The following ABLIM3 variants were observed in gnomAD, a reference collection of about 807,000 sequenced individuals.
The protein encoded by ABLIM3 is actin-binding LIM protein 3.
ABLIM3 carries 61 observed loss-of-function variants against 109.5 expected under a neutral mutation model. The ratio of observed to expected loss-of-function variants is 0.56; its 90% confidence interval spans 0.45 to 0.69. The LOEUF (loss-of-function observed/expected upper bound fraction) is 0.69, where lower values mean the gene tolerates loss of function less well. Among genes scored for constraint, ABLIM3 ranks in the 30% least tolerant of loss-of-function variants. ABLIM3 has a pLI of 0.00. For missense variants in ABLIM3, 796 were observed against 889.5 expected (o/e 0.89, Z 1.34); for synonymous variants, 300 against 324.8 (o/e 0.92, Z 0.82).
chr5:149,216,859 C>A, intron 7 of ABLIM3, 100 bp from the exon 8 acceptor site: 2 of 1,070,744 alleles, frequency 1.9e-6, no homozygotes, highest in Non-Finnish European at 2.8e-6. Flanking sequence ...CATGAAGATG[C>A]AAACAACACT....
chr5:149,210,917 T>A, intron 7 of ABLIM3, 98 bp downstream of exon 7: 1 of 1,134,784 alleles, frequency 8.8e-7, no homozygotes, highest in Non-Finnish European at 1.3e-6. Flanking sequence ...TACCTTTTTT[T>A]CCATAGCCTT....
intron 3 of ABLIM3, among the ~76,000 whole-genome samples, chr5:149,184,906 A>T (rs1756808291): frequency 6.6e-6 from 1 of 152,216 alleles, no homozygotes; most frequent in South Asian, 2.1e-4. Context: ...ATAGATGCAT[A>T]TACGGGATAC....
rs115469767 is a variant in ABLIM3 at position 149,183,773 on chromosome 5, G to A, written c.151+184G>A. ...TAGAATGAGGGCAGTGTATTGGTAC[G>A]TGAGGGAGACAAGGATCCTGGTAAC... is the stretch of plus-strand genomic sequence containing the variant. On this transcript the variant is annotated intron_variant, in intron 3 of 23. Transcript: ENST00000309868. 6.9e-3 allele frequency among the ~76,000 whole-genome samples: 1,053 copies of A among 152,278 alleles called. 12 individuals carry two copies. Among genetic ancestry groups the A allele is most frequent in the African/African-American group, 0.024 (990 of 41,554 alleles).
At chr5:149,197,448 C>A (rs1758081981) in intron 3 of ABLIM3, among the ~76,000 whole-genome samples, 1 of 152,092 alleles carries the variant, frequency 6.6e-6, no homozygotes, top group South Asian at 2.1e-4. Flanking sequence ...TTCCGTGGAC[C>A]ATCACCGATG....
Position 149,239,897 on chromosome 5 carries a change from G to A in ABLIM3, c.1204+9G>A, listed in dbSNP as rs754847916. 120 of 1,598,560 alleles carry A rather than the reference G, an allele frequency of 7.5e-5. No individual in the cohort carries two copies. Among genetic ancestry groups the A allele is most frequent in the Non-Finnish European group, 8.6e-5 (101 of 1,172,474 alleles). The stretch of plus-strand genomic sequence containing the variant: ...CCACTACTACCGCTCTGGTAAGGAA[G>A]GGGGAGGACCTGAAGGGAGAGGAAG... On this transcript the variant is annotated intron_variant, in intron 13 of 23. Coordinates refer to ENST00000309868, the MANE Select transcript of ABLIM3 (RefSeq NM_014945.5).
At position 149,240,270 on chromosome 5, in the gene ABLIM3, C is replaced by A. The variant is rs73795954; in HGVS notation, c.1204+382C>A. Among the ~76,000 whole-genome samples, 217 of 152,318 alleles carry A rather than the reference C, an allele frequency of 1.4e-3. 1 individual carries two copies. Among genetic ancestry groups the A allele is most frequent in the African/African-American group, 4.8e-3 (198 of 41,576 alleles). ...TCACCCAAGGGCCACCCCAGCCAATCCAGTCAGACCATCCACAGTCACCCT... is the reference window on the plus strand; with the variant it reads ...TCACCCAAGGGCCACCCCAGCCAATACAGTCAGACCATCCACAGTCACCCT... On this transcript the variant is annotated intron_variant, in intron 13 of 23. Coordinates refer to ENST00000309868, the MANE Select transcript of ABLIM3 (RefSeq NM_014945.5).
chr5:149,151,675 C>A (rs1255994215), intron 2 of ABLIM3, among the ~76,000 whole-genome samples: 1 of 152,232 alleles, frequency 6.6e-6, no homozygotes, highest in East Asian at 1.9e-4. Context: ...CATGGGAAGA[C>A]CCCAGTAATT....
Position 149,207,078 on chromosome 5 carries a change from C to T in ABLIM3, c.519C>T (p.Val173=), listed in dbSNP as rs142995323. 14 of 1,613,972 alleles carry T rather than the reference C, an allele frequency of 8.7e-6. No individual in the cohort carries two copies. The African/African-American group carries it at 1.7e-4, about 20-fold the overall frequency. Residue 173 remains valine, a synonymous_variant, in exon 6 of 24, where the codon GTC becomes GTT. Transcript: ENST00000309868. ...TGGCTCTGGACAAGCAGTGGCACGT[C>T]AGCTGCTTCAAGTGCCAGACCTGCA... ...SLLALDKQWH[V]SCFKCQTCSV...
At chr5:149,181,263 A>G (rs1581063909) in intron 2 of ABLIM3, among the ~76,000 whole-genome samples, 1 of 151,712 alleles carries the variant, frequency 6.6e-6, no homozygotes, top group East Asian at 1.9e-4. Flanking sequence ...AGAAAAGAGA[A>G]TAAGATTAAA....
chr5:149,159,766 G>A (rs930774294), intron 2 of ABLIM3, among the ~76,000 whole-genome samples: 2 of 152,090 alleles, frequency 1.3e-5, no homozygotes, highest in African/African-American at 2.4e-5. Flanking sequence ...TTTAAGCGTC[G>A]TACAGCTCAA....
At chr5:149,161,271 A>C (rs1032958413) in intron 2 of ABLIM3, among the ~76,000 whole-genome samples, 9 of 152,224 alleles carry the variant, frequency 5.9e-5, no homozygotes, top group Non-Finnish European at 1.0e-4. Flanking sequence ...CTCCTTAGCC[A>C]GTAGCAAAGT....
At chr5:149,160,173 G>A (rs908140764) in intron 2 of ABLIM3, among the ~76,000 whole-genome samples, 2 of 152,164 alleles carry the variant, frequency 1.3e-5, no homozygotes, top group Non-Finnish European at 2.9e-5. Context: ...TACCCAGTAA[G>A]GCTAGGAACA....
intron 5 of ABLIM3, among the ~76,000 whole-genome samples, chr5:149,201,895 C>A (rs10463421): frequency 0.33 from 49,648 of 152,032 alleles, 8,327 homozygotes; most frequent in East Asian, 0.52. Context: ...AGTCATGAAG[C>A]CTCCCTGAGA....
intron 2 of ABLIM3, among the ~76,000 whole-genome samples, chr5:149,153,105 G>A (rs1411842801): frequency 6.6e-6 from 1 of 152,068 alleles, no homozygotes; most frequent in African/African-American, 2.4e-5. Flanking sequence ...TCTTTCCTAA[G>A]CTCTAGGGTC....
intron 2 of ABLIM3, among the ~76,000 whole-genome samples, chr5:149,156,256 G>A (rs1753859645): frequency 1.3e-5 from 2 of 152,224 alleles, no homozygotes; most frequent in Admixed American, 1.3e-4. Context: ...CAGACTGCCT[G>A]GGTCCAAATT....
In ABLIM3 at chr5:149,260,238, T is replaced by C. The variant is rs1402064796; in HGVS notation, c.*1834T>C. 1 of 152,684 alleles carries C rather than the reference T, an allele frequency of 6.5e-6. No homozygotes were observed. Among genetic ancestry groups the C allele is most frequent in the Non-Finnish European group, 1.5e-5 (1 of 68,114 alleles). The allele number at this position is 152,684 out of a possible 1,614,324, so 9.5% of individuals were successfully genotyped here. ...GAGGGAAGTCTGCTGTGTTCTCATG[T>C]AGGATGTCAGCCCTCCCTGCAACTT... On this transcript the variant is annotated 3_prime_UTR_variant, in exon 24 of 24. Transcript: ENST00000309868.
intron 23 of ABLIM3, among the ~76,000 whole-genome samples, chr5:149,257,042 C>T (rs758248401): frequency 2.0e-5 from 3 of 152,216 alleles, no homozygotes; most frequent in Non-Finnish European, 2.9e-5. Flanking sequence ...CCGTGGCTTA[C>T]GCCTGTAATC....
intron 2 of ABLIM3, among the ~76,000 whole-genome samples, chr5:149,163,755 T>C (rs557412605): frequency 3.5e-4 from 53 of 152,242 alleles, no homozygotes; most frequent in Non-Finnish European, 6.9e-4. Flanking sequence ...CATGTGAATT[T>C]GGGGGGTGAG....
chr5:149,231,105 C>T (rs1581191577), intron 9 of ABLIM3, among the ~76,000 whole-genome samples: 2 of 152,198 alleles, frequency 1.3e-5, no homozygotes, highest in Non-Finnish European at 2.9e-5. Flanking sequence ...TCTTCACAGG[C>T]ACTGTCTGAT....
Sources: allele counts gnomAD v4.1 joint callset (sites outside exome capture counted in the v4.1 genomes callset), GRCh38; gene constraint gnomAD v4.1.1; transcripts MANE v1.5; gene names NCBI Gene and HGNC (gene_info 2026-07-23, HGNC 2026-07-21).